Variants in MAPK10 observed in about 807,000 individuals in gnomAD.
MAPK10 encodes mitogen-activated protein kinase 10.
Under a neutral mutation model 59.3 loss-of-function variants are expected in MAPK10, and 25 were observed. That is an observed-to-expected ratio of 0.42 (90% CI 0.31 to 0.59). The LOEUF is 0.59. Among genes scored for constraint, MAPK10 ranks in the 20% least tolerant of loss-of-function variants. The pLI, the probability that MAPK10 is intolerant of heterozygous loss-of-function variation, is 0.15. For missense variants in MAPK10, 351 were observed against 568.9 expected, an observed-to-expected ratio of 0.62 and a Z score of 3.90; for synonymous variants, 190 against 200.5, an observed-to-expected ratio of 0.95 and a Z score of 0.44.
chr4:86,243,866 C>T (rs2092913458), intron 2 of MAPK10, among the ~76,000 whole-genome samples: 1 of 152,020 alleles, frequency 6.6e-6, no homozygotes, highest in Non-Finnish European at 1.5e-5. Context: ...TCCCGAGCTC[C>T]TCCCCAACCA....
intron 11 of MAPK10, among the ~76,000 whole-genome samples, chr4:86,048,479 T>C (rs1391562119): frequency 6.6e-6 from 1 of 152,068 alleles, no homozygotes; most frequent in East Asian, 1.9e-4. Flanking sequence ...TAGCTCTAGG[T>C]GAAAAACACA....
intron 1 of MAPK10, among the ~76,000 whole-genome samples, chr4:86,500,907 C>G (rs6824104): frequency 6.6e-6 from 1 of 151,984 alleles, no homozygotes; most frequent in Non-Finnish European, 1.5e-5. Flanking sequence ...TATACCACAT[C>G]TACAAAGCAA....
intron 1 of MAPK10, among the ~76,000 whole-genome samples, chr4:86,504,006 A>G (rs1322247889): frequency 6.6e-6 from 1 of 152,104 alleles, no homozygotes; most frequent in Non-Finnish European, 1.5e-5. Flanking sequence ...TCAAATGTCT[A>G]TACAAATGTC....
chr4:86,212,049 G>C (rs1671500888), intron 2 of MAPK10, among the ~76,000 whole-genome samples: 1 of 152,068 alleles, frequency 6.6e-6, no homozygotes, highest in African/African-American at 2.4e-5. Context: ...AAAAAGCTCT[G>C]AGTCATACAG....
At chr4:86,327,930 C>G (rs1181080084) in intron 2 of MAPK10, among the ~76,000 whole-genome samples, 1 of 151,872 alleles carries the variant, frequency 6.6e-6, no homozygotes, top group Non-Finnish European at 1.5e-5. Context: ...AGCTAGGCGA[C>G]AGAGTGAGAC....
At chr4:86,223,975 T>C (rs919307008) in intron 2 of MAPK10, among the ~76,000 whole-genome samples, 3 of 152,096 alleles carry the variant, frequency 2.0e-5, no homozygotes, top group Non-Finnish European at 4.4e-5. Context: ...TGAACCAAAT[T>C]TGTGGGAGAG....
rs56724302 is a variant in MAPK10 at position 86,115,027 on chromosome 4, C to T, written c.237-7675G>A. Among the ~76,000 whole-genome samples, 433 of 152,298 alleles carry T rather than the reference C, an allele frequency of 2.8e-3. 2 individuals are homozygous for T. Among genetic ancestry groups the T allele is most frequent in the Non-Finnish European group, 4.3e-3 (293 of 68,028 alleles). ...CACCCAGTCTCCCTGACACCAGCAG[C>T]GTAAAATGGCCAACTGGAGTTGCAG... is the stretch of plus-strand genomic sequence containing the variant. On this transcript the variant is annotated intron_variant, in intron 4 of 13. Transcript: ENST00000641462.
chr4:86,189,678 A>G (rs2079167267), intron 3 of MAPK10, among the ~76,000 whole-genome samples: 1 of 152,218 alleles, frequency 6.6e-6, no homozygotes, highest in Non-Finnish European at 1.5e-5. Context: ...TAAATATACA[A>G]TCATGTCATC....
Position 86,359,689 on chromosome 4 carries a change from C to G in MAPK10, c.-153G>C. 5.1e-6 allele frequency: 5 copies of G among 985,780 alleles called. No homozygotes were observed. Among genetic ancestry groups the G allele is most frequent in the Non-Finnish European group, 4.8e-6 (4 of 829,934 alleles). 61.1% of individuals were successfully genotyped at this position (985,780 alleles called of 1,614,324 possible). On this transcript the variant is annotated 5_prime_UTR_variant, in exon 1 of 14. Coordinates refer to ENST00000641462, the MANE Select transcript of MAPK10 (RefSeq NM_138982.4). The stretch of plus-strand genomic sequence containing the variant: ...GTGCCTGAGAACTACGATCCTGATC[C>G]GGCAGTGTTTGCCCCAGAAATCCTC...
intron 1 of MAPK10, among the ~76,000 whole-genome samples, chr4:86,516,453 A>AT: frequency 6.6e-6 from 1 of 152,276 alleles, no homozygotes; most frequent in East Asian, 1.9e-4. Context: ...ATTGCATTGA[A>AT]TTTATACATT....
At chr4:86,177,963 C>T (rs77161182) in intron 3 of MAPK10, among the ~76,000 whole-genome samples, 12,877 of 151,498 alleles carry the variant, frequency 0.085, 1,210 homozygotes, top group African/African-American at 0.23. Flanking sequence ...TTGCTTTAAC[C>T]AAAAAAAGGC....
intron 1 of MAPK10, among the ~76,000 whole-genome samples, chr4:86,493,998 A>G (rs897275939): frequency 6.6e-6 from 1 of 152,124 alleles, no homozygotes; most frequent in Admixed American, 6.5e-5. Flanking sequence ...GGTTTTCCCT[A>G]TGCTCCTATA....
At chr4:86,089,432 G>T (rs1254635105) in intron 9 of MAPK10, 1 of 575,684 alleles carries the variant, frequency 1.7e-6, no homozygotes, top group Admixed American at 3.0e-5. Flanking sequence ...TTTAAATGGT[G>T]GAAAGGGGAG....
intron 11 of MAPK10, among the ~76,000 whole-genome samples, chr4:86,061,372 G>C (rs2045724809): frequency 6.6e-6 from 1 of 152,076 alleles, no homozygotes; most frequent in Non-Finnish European, 1.5e-5. Flanking sequence ...ATCACACTTT[G>C]TTACTCTAAA....
At chr4:86,350,865 A>T (rs1564631949) in intron 2 of MAPK10, among the ~76,000 whole-genome samples, 1 of 152,254 alleles carries the variant, frequency 6.6e-6, no homozygotes. Flanking sequence ...TATGGCAGTA[A>T]CAACAGATTT....
chr4:86,195,716 C>T (rs189102338), intron 2 of MAPK10, among the ~76,000 whole-genome samples: 1 of 152,124 alleles, frequency 6.6e-6, no homozygotes, highest in Non-Finnish European at 1.5e-5. Context: ...TGCTATCCCT[C>T]CCCTAGGCCC....
chr4:86,391,738 G>A (rs1047243649), intron 1 of MAPK10, among the ~76,000 whole-genome samples: 5 of 149,116 alleles, frequency 3.4e-5, no homozygotes, highest in Non-Finnish European at 7.6e-5. Flanking sequence ...AGCATGAGGA[G>A]GGGAGGTTGG....
intron 3 of MAPK10, among the ~76,000 whole-genome samples, chr4:86,169,093 A>G (rs2149253468): frequency 6.6e-6 from 1 of 152,272 alleles, no homozygotes; most frequent in East Asian, 1.9e-4. Context: ...CCAAAAGTAG[A>G]TAAAACCACA....
intron 3 of MAPK10, among the ~76,000 whole-genome samples, chr4:86,164,871 C>T (rs2149243200): frequency 6.6e-6 from 1 of 152,222 alleles, no homozygotes; most frequent in South Asian, 2.1e-4. Flanking sequence ...AAAACAAGTT[C>T]TCTTCTTTTT....
Sources: gnomAD v4.1 joint callset for allele counts (sites outside exome capture counted in the v4.1 genomes callset) on GRCh38, gnomAD v4.1.1 for gene constraint, MANE v1.5 for transcripts, NCBI Gene and HGNC (gene_info 2026-07-23, HGNC 2026-07-21) for gene names.